ABCB1: variants seen among roughly 807,000 people sequenced by gnomAD.
ABCB1 encodes ATP-dependent translocase ABCB1.
In ABCB1, 69 loss-of-function variants were observed where a neutral mutation model predicts 142.0. The observed-to-expected ratio is 0.49, with a 90% CI of 0.40 to 0.59. The LOEUF (loss-of-function observed/expected upper bound fraction) is 0.59, where lower values mean the gene tolerates loss of function less well. ABCB1 is among the 20% of genes least tolerant of loss of function. ABCB1 has a pLI of 0.00. For missense variants in ABCB1, 1,326 were observed against 1,554.7 expected, an observed-to-expected ratio of 0.85 and a Z score of 2.47; for synonymous variants, 532 against 539.2, an observed-to-expected ratio of 0.99 and a Z score of 0.18.
At chr7:87,587,971 A>C (rs1432440858) in intron 3 of ABCB1, among the ~76,000 whole-genome samples, 3 of 151,798 alleles carry the variant, frequency 2.0e-5, no homozygotes, top group Admixed American at 2.0e-4. Context: ...GGGACCCTCA[A>C]GTTTGGGGTG....
chr7:87,675,911 A>G (rs1375363219), intron 1 of ABCB1, among the ~76,000 whole-genome samples: 1 of 152,194 alleles, frequency 6.6e-6, no homozygotes, highest in Non-Finnish European at 1.5e-5. Flanking sequence ...AATAAGTGGA[A>G]CGACATTAAA....
intron 22 of ABCB1, 78 bp downstream of exon 22, chr7:87,520,698 C>A: frequency 7.6e-7 from 1 of 1,312,168 alleles, no homozygotes. Flanking sequence ...ACCTTCTAGC[C>A]AAAGTAATCC....
chr7:87,645,710 A>T (rs1225677207), intron 1 of ABCB1, among the ~76,000 whole-genome samples: 1 of 152,148 alleles, frequency 6.6e-6, no homozygotes. Context: ...TTCTTTCTAC[A>T]GGTTTGATTT....
chr7:87,522,779 A>T (rs914879867), intron 21 of ABCB1, among the ~76,000 whole-genome samples: 1 of 152,130 alleles, frequency 6.6e-6, no homozygotes, highest in Non-Finnish European at 1.5e-5. Flanking sequence ...TATTTTACAC[A>T]TTTCCATATT....
chr7:87,699,211 TA>T (rs1828784017), intron 1 of ABCB1, among the ~76,000 whole-genome samples: 1 of 151,932 alleles, frequency 6.6e-6, no homozygotes, highest in African/African-American at 2.4e-5. Context: ...TTAAAGTAAA[TA>T]ATTAAATCAT....
At chr7:87,604,767 G>T (rs1231098573), upstream of ABCB1, among the ~76,000 whole-genome samples, 1 of 152,154 alleles carries the variant, frequency 6.6e-6, no homozygotes, top group Non-Finnish European at 1.5e-5. Context: ...TTTTAATTAA[G>T]TCGCTTAGTG....
At chr7:87,521,649 T>A in intron 21 of ABCB1, 1 of 820,752 alleles carries the variant, frequency 1.2e-6, no homozygotes, top group Non-Finnish European at 2.1e-6. Context: ...TTGTCACATA[T>A]GCCACTGTGG....
intron 25 of ABCB1, among the ~76,000 whole-genome samples, chr7:87,509,892 C>G (rs949958156): frequency 6.6e-6 from 1 of 152,102 alleles, no homozygotes; most frequent in African/African-American, 2.4e-5. Flanking sequence ...ATCATAAGGG[C>G]TCTTAACTGA....
At chr7:87,553,682 C>A in intron 9 of ABCB1, 79 bp downstream of exon 9, 2 of 1,452,722 alleles carry the variant, frequency 1.4e-6, no homozygotes, top group East Asian at 2.3e-5. Flanking sequence ...AAAATATATT[C>A]TTCTAAAGTC....
At chr7:87,542,152 C>T (rs1018226495) in intron 17 of ABCB1, among the ~76,000 whole-genome samples, 28 of 152,072 alleles carry the variant, frequency 1.8e-4, no homozygotes, top group African/African-American at 5.6e-4. Flanking sequence ...CATTCCTAGC[C>T]CAGGACAGAC....
intron 1 of ABCB1, among the ~76,000 whole-genome samples, chr7:87,607,541 T>A (rs1055404900): frequency 6.6e-6 from 1 of 152,130 alleles, no homozygotes; most frequent in African/African-American, 2.4e-5. Context: ...TGATTCTTTT[T>A]TTTTTCTTTA....
At chr7:87,512,839 C>T (rs927304163) in intron 25 of ABCB1, among the ~76,000 whole-genome samples, 1 of 152,208 alleles carries the variant, frequency 6.6e-6, no homozygotes, top group Non-Finnish European at 1.5e-5. Flanking sequence ...TAAATGAGGA[C>T]ACTTTGTTTT....
rs1256027056 is a variant in ABCB1, at chr7:87,626,347, A to G, written c.-330-25269T>C. Among the ~76,000 whole-genome samples, 2 of 27,920 alleles carry G rather than the reference A, an allele frequency of 7.2e-5. 1 individual carries two copies. Among genetic ancestry groups the G allele is most frequent in the Non-Finnish European group, 1.1e-4 (2 of 18,394 alleles). The allele number at this position is 27,920 out of a possible 152,430, so 18.3% of individuals were successfully genotyped here. On this transcript the variant is annotated intron_variant, in intron 1 of 28. Transcript: ENST00000265724. ...CATATATATGTGTCGTATATGTGTC[A>G]TATATATGTGTCATATATATGTGTC...
intron 21 of ABCB1, among the ~76,000 whole-genome samples, chr7:87,526,067 T>C (rs1815769962): frequency 6.6e-6 from 1 of 152,184 alleles, no homozygotes; most frequent in African/African-American, 2.4e-5. Context: ...GAAACACTCA[T>C]CTTTATCAAG....
chr7:87,541,538 C>T, intron 17 of ABCB1, 74 bp from the exon 18 acceptor site: 1 of 1,049,248 alleles, frequency 9.5e-7, no homozygotes, highest in East Asian at 2.4e-5. Context: ...CATTTCCCAT[C>T]TGGCCCAGTA....
chr7:87,626,774 CAGAGAG>C (rs757569014), intron 1 of ABCB1, among the ~76,000 whole-genome samples: 97 of 119,382 alleles, frequency 8.1e-4, no homozygotes, highest in Non-Finnish European at 1.5e-3. Context: ...ATATATATGT[CAGAGAG>C]AGAGAGAGAG....
chr7:87,607,878 G>A (rs924306855), intron 1 of ABCB1, among the ~76,000 whole-genome samples: 3 of 152,150 alleles, frequency 2.0e-5, no homozygotes, highest in African/African-American at 7.2e-5. Flanking sequence ...AGGTGAAAAC[G>A]ATTAGGATAA....
At chr7:87,528,543 C>T (rs1004994714) in intron 21 of ABCB1, among the ~76,000 whole-genome samples, 3 of 152,052 alleles carry the variant, frequency 2.0e-5, no homozygotes, top group East Asian at 1.9e-4. Context: ...AGTTCAAACC[C>T]GTGCTGTTCA....
intron 7 of ABCB1, among the ~76,000 whole-genome samples, chr7:87,563,985 G>A (rs1230615645): frequency 8.1e-6 from 1 of 123,548 alleles, no homozygotes; most frequent in Non-Finnish European, 1.7e-5. Context: ...GATACATAGA[G>A]GGGAACAACA....
Sources: allele counts gnomAD v4.1 joint callset (sites outside exome capture counted in the v4.1 genomes callset), GRCh38; gene constraint gnomAD v4.1.1; transcripts MANE v1.5; gene names NCBI Gene and HGNC (gene_info 2026-07-23, HGNC 2026-07-21).